Variants in DNHD1 observed in about 807,000 individuals in gnomAD.
DNHD1 encodes the protein dynein heavy chain domain-containing protein 1.
Under a neutral mutation model 458.1 loss-of-function variants are expected in DNHD1, and 383 were observed. The ratio of observed to expected loss-of-function variants is 0.84; its 90% CI spans 0.77 to 0.91. The LOEUF is 0.91. DNHD1 is among the 40% of genes least tolerant of loss of function. The pLI is 0.00. For synonymous variants in DNHD1, 2,203 were observed against 2,376.9 expected, an observed-to-expected ratio of 0.93 and a Z score of 2.13; for missense variants, 5,336 against 5,866.1, an observed-to-expected ratio of 0.91 and a Z score of 2.95.
At chr11:6,550,786 T>TAC (rs1367674425) in intron 24 of DNHD1, among the ~76,000 whole-genome samples, 1 of 152,114 alleles carries the variant, frequency 6.6e-6, no homozygotes, top group Admixed American at 6.5e-5. Context: ...AAAGGACATC[T>TAC]CATAATTGAA....
At chr11:6,532,653 G>T (rs536131627) in intron 12 of DNHD1, among the ~76,000 whole-genome samples, 1 of 152,242 alleles carries the variant, frequency 6.6e-6, no homozygotes, top group Non-Finnish European at 1.5e-5. Context: ...AAGGGGCCTT[G>T]CCCAGCCTTC....
intron 7 of DNHD1, among the ~76,000 whole-genome samples, chr11:6,513,771 A>C (rs1852395098): frequency 6.6e-6 from 1 of 152,126 alleles, no homozygotes; most frequent in African/African-American, 2.4e-5. Flanking sequence ...TATGTTTTAT[A>C]CTGCCAAACA....
At chr11:6,517,070 C>T (rs2723635) in intron 7 of DNHD1, among the ~76,000 whole-genome samples, 1 of 152,140 alleles carries the variant, frequency 6.6e-6, no homozygotes, top group Non-Finnish European at 1.5e-5. Context: ...CAGATTCAGA[C>T]TCTGGCAAGG....
At position 6,571,488 on chromosome 11, in the gene DNHD1, G is replaced by GTCTCTAATTACACCCTCTAA; in HGVS notation, c.13911+66_13911+67insCTCTAATTACACCCTCTAAT. The GTCTCTAATTACACCCTCTAA allele has an allele frequency of 6.7e-7, 1 of 1,482,246 alleles. No individual in the cohort carries two copies. Among genetic ancestry groups the GTCTCTAATTACACCCTCTAA allele is most frequent in the Non-Finnish European group, 9.0e-7 (1 of 1,110,122 alleles). 91.8% of individuals were successfully genotyped at this position (1,482,246 alleles called of 1,614,324 possible). A position where few individuals can be genotyped will look rare whatever the true frequency, so the allele number is the denominator to read the frequency against. The stretch of plus-strand genomic sequence containing the variant: ...TCGAAGTCTCTAATTACACCTCGCA[G>GTCTCTAATTACACCCTCTAA]TTACCCCTTCTTGGTGATCTTGCCC... On this transcript the variant is annotated intron_variant, in intron 42 of 42. Coordinates refer to ENST00000254579, the MANE Select transcript of DNHD1 (RefSeq NM_144666.3). This position sits in a 1 kb window ranked among gnomAD's most constrained non-coding sequence, Gnocchi z 5.0.
chr11:6,567,922 C>G, intron 36 of DNHD1, 62 bp downstream of exon 36: 3 of 1,496,888 alleles, frequency 2.0e-6, no homozygotes, highest in South Asian at 1.4e-5. Context: ...GCATGGGGGA[C>G]CCCCTCCAAG....
In DNHD1 at chr11:6,556,675, T is replaced by A; in HGVS notation, c.7388-8T>A. ...CATGTCCTCATTATTATTCCTCATG[T>A]CCCATAGACCCAGAGAAGAGCTGCC... On this transcript the variant is annotated splice_region_variant and splice_polypyrimidine_tract_variant and intron_variant, in intron 24 of 42. Coordinates refer to ENST00000254579, the MANE Select transcript of DNHD1 (RefSeq NM_144666.3). 2.6e-6 allele frequency: 4 copies of A among 1,531,688 alleles called. No homozygotes were observed. The highest frequency in any genetic ancestry group is 3.5e-6 in the Non-Finnish European group (4 of 1,133,288). 94.9% of individuals were successfully genotyped at this position (1,531,688 alleles called of 1,614,324 possible). A position where few individuals can be genotyped will look rare whatever the true frequency, so the allele number is the denominator to read the frequency against.
chr11:6,567,679 C>A lies in DNHD1; in HGVS notation c.12170C>A (p.Ala4057Glu). 6.2e-7 allele frequency: 1 copy of A among 1,613,904 alleles called. No individual in the cohort carries two copies. The highest frequency in any genetic ancestry group is 8.5e-7 in the Non-Finnish European group (1 of 1,179,888). Residue 4057 changes from alanine (A) to glutamate (E), a missense_variant, in exon 36 of 43, where the codon GCA becomes GAA. Ala to Glu is a moderately radical substitution (Grantham distance 107). This residue lies in a region of DNHD1 where 695 missense variants were observed against 804.2 expected (regional missense o/e 0.86). Coordinates refer to ENST00000254579, the MANE Select transcript of DNHD1 (RefSeq NM_144666.3). ...CCTGAGTGCCTGGCAGGTGCCCTGG[C>A]AGACTTCACCACTAGCCTCCTGGGT... Reference protein sequence around the residue: ...LRPECLAGALADFTTSLLGRP... With the variant: ...LRPECLAGALEDFTTSLLGRP...
Position 6,563,390 on chromosome 11 carries a change from G to A in DNHD1, c.9678G>A (p.Lys3226=). Residue 3226 remains lysine (K), a synonymous_variant, in exon 30 of 43, where the codon AAG becomes AAA. Coordinates refer to ENST00000254579, the MANE Select transcript of DNHD1 (RefSeq NM_144666.3). ...QREAFLEQMS[K]AFLEPLSQLQ... is the part of the protein sequence containing the mutation. ...TATCTCTCCTCATTTAGATGAGCAA[G>A]GCATTTCTGGAGCCTCTGAGCCAGC... The A allele has an allele frequency of 6.4e-7, 1 of 1,551,714 alleles. No homozygotes were observed. Among genetic ancestry groups the A allele is most frequent in the Non-Finnish European group, 8.7e-7 (1 of 1,146,988 alleles).
At chr11:6,535,652 G>T (rs903514622) in intron 14 of DNHD1, among the ~76,000 whole-genome samples, 8 of 152,196 alleles carry the variant, frequency 5.3e-5, no homozygotes, top group African/African-American at 1.9e-4. Flanking sequence ...TTGAAGTAAA[G>T]GCATTTATTA....
At chr11:6,568,306 C>T in intron 37 of DNHD1, 64 bp downstream of exon 37, 1 of 1,529,094 alleles carries the variant, frequency 6.5e-7, no homozygotes, top group Non-Finnish European at 8.8e-7. Flanking sequence ...AGCTTGAAAT[C>T]TCAGGCCTCA....
Position 6,557,751 on chromosome 11 carries a change from TG to T in DNHD1, c.8458del (p.Val2820SerfsTer6). The T allele has an allele frequency of 1.9e-6, 3 of 1,551,702 alleles. No homozygotes were observed. Among genetic ancestry groups the T allele is most frequent in the Non-Finnish European group, 2.6e-6 (3 of 1,146,986 alleles). ...LLHPQEKPSD[L>X]VFSQELILGP... ...CATCCCCAGGAAAAGCCCTCAGACCTGGTCTTCAGTCAGGAGCTGATACTGG... is the reference window on the plus strand; with the variant it reads ...CATCCCCAGGAAAAGCCCTCAGACCTGTCTTCAGTCAGGAGCTGATACTGG... On this transcript the variant is annotated frameshift_variant, in exon 25 of 43. Coordinates refer to ENST00000254579, the MANE Select transcript of DNHD1 (RefSeq NM_144666.3). LOFTEE classifies it high-confidence loss of function.
rs1308760718 is a variant in DNHD1 at position 6,571,876 on chromosome 11, G to A, written c.14152G>A (p.Ala4718Thr). 28 of 1,614,020 alleles carry A rather than the reference G, an allele frequency of 1.7e-5. No individual in the cohort carries two copies. Among genetic ancestry groups the A allele is most frequent in the Non-Finnish European group, 2.4e-5 (28 of 1,179,904 alleles). ...PVYMGGPLGT[A>T]KLQSRNIVMH... is the part of the protein sequence containing the mutation. Reference sequence around the variant, plus strand: ...GTACATGGGAGGGCCCCTTGGCACCGCTAAGCTGCAGAGCAGGAACATCGT... The same window carrying A: ...GTACATGGGAGGGCCCCTTGGCACCACTAAGCTGCAGAGCAGGAACATCGT... The change falls in exon 43 of 43, where the codon GCT becomes ACT. Residue 4718 changes from alanine (A) to threonine (T), a missense_variant. By Grantham distance (58) the Ala-to-Thr change is moderately conservative. Coordinates refer to ENST00000254579, the MANE Select transcript of DNHD1 (RefSeq NM_144666.3). This position sits in a 1 kb window ranked among gnomAD's most constrained non-coding sequence, Gnocchi z 5.0.
At position 6,563,471 on chromosome 11, in the gene DNHD1, G is replaced by A. The variant is rs945130503; in HGVS notation, c.9759G>A (p.Val3253=). The A allele has an allele frequency of 2.6e-6, 4 of 1,551,592 alleles. No homozygotes were observed. In the East Asian group the frequency reaches 9.8e-5, roughly 38 times the overall value. ...IRSYRAPPES[V]VRVTDAMCDL... Reference sequence around the variant, plus strand: ...GCTATCGAGCACCACCAGAATCTGTGGTCCGGGTAACTGATGCAATGTGTG... The same window carrying A: ...GCTATCGAGCACCACCAGAATCTGTAGTCCGGGTAACTGATGCAATGTGTG... Residue 3253 remains valine (V), a synonymous_variant, in exon 30 of 43, where the codon GTG becomes GTA. Coordinates refer to ENST00000254579, the MANE Select transcript of DNHD1 (RefSeq NM_144666.3).
chr11:6,539,967 A>C lies in DNHD1; in HGVS notation c.3512A>C (p.Asn1171Thr). 1 of 1,551,702 alleles carries C rather than the reference A, an allele frequency of 6.4e-7. No individual in the cohort carries two copies. Among genetic ancestry groups the C allele is most frequent in the Non-Finnish European group, 8.7e-7 (1 of 1,146,980 alleles). ...YWEARQLRLLNFILHVPYEPP... is the reference protein window; with the variant it reads ...YWEARQLRLLTFILHVPYEPP... ...GAAGCGCGCCAGCTGCGCCTGCTCA[A>C]CTTCATCCTGCATGTACCCTACGAG... is the stretch of plus-strand genomic sequence containing the variant. The change falls in exon 18 of 43, where the codon AAC (asparagine) becomes ACC (threonine). Residue 1171 changes from asparagine to threonine, a missense_variant. Asn to Thr is a moderately conservative substitution (Grantham distance 65, BLOSUM62 0). This residue lies in a region of DNHD1 where 3,932 missense variants were observed against 4,365.6 expected (regional missense o/e 0.90). Transcript: ENST00000254579.
rs377748114 is a variant in DNHD1, at chr11:6,565,768, G to C, written c.10830G>C (p.Glu3610Asp). Residue 3610 changes from glutamate (E) to aspartate (D), a missense_variant, in exon 33 of 43, where the codon GAG (glutamate) becomes GAC (aspartate). This residue lies in a region of DNHD1 where 695 missense variants were observed against 804.2 expected (regional missense o/e 0.86). Coordinates refer to ENST00000254579, the MANE Select transcript of DNHD1 (RefSeq NM_144666.3). ...AAGAGGAAGATGATGAGAGTGAAGA[G>C]AGTAATGAGGCTGAGGACCAGACAA... ...DMKEEDDESE[E>D]SNEAEDQTKE... 4.7e-5 allele frequency: 73 copies of C among 1,551,610 alleles called. No homozygotes were observed. The African/African-American group carries it at 8.9e-4, about 19-fold the overall frequency.
chr11:6,512,501 T>C (rs10839570), intron 7 of DNHD1, among the ~76,000 whole-genome samples: 44,186 of 151,846 alleles, frequency 0.29, 6,793 homozygotes, highest in Admixed American at 0.37. Context: ...GGATTACAGG[T>C]GTGAACCACC....
In DNHD1 at chr11:6,570,839, C is replaced by T; in HGVS notation, c.13327C>T (p.Leu4443=). The part of the protein sequence containing the change: ...QLAERRLRQR[L]VQVNRRLESL... ...TGCGGAAAGGCGACTGCGGCAACGC[C>T]TAGTGCAAGTCAACCGGAGGCTGGA... The change falls in exon 42 of 43, where the codon CTA becomes TTA. Residue 4443 remains leucine (L), a synonymous_variant. Coordinates refer to ENST00000254579, the MANE Select transcript of DNHD1 (RefSeq NM_144666.3). 1.2e-6 allele frequency: 2 copies of T among 1,614,058 alleles called. No homozygotes were observed. Among genetic ancestry groups the T allele is most frequent in the Non-Finnish European group, 1.7e-6 (2 of 1,179,904 alleles).
In DNHD1 at chr11:6,546,253, C is replaced by T. The variant is rs1483766543; in HGVS notation, c.5314C>T (p.Arg1772Ter). The T allele has an allele frequency of 1.5e-5, 24 of 1,552,248 alleles. No homozygotes were observed. The highest frequency in any genetic ancestry group is 1.7e-4 in the Middle Eastern group (1 of 5,996). Reference protein sequence around the residue: ...LYAPLYQEASRNTSTIDPTQP... With the variant: ...LYAPLYQEAS ...TGCCCCACTGTACCAGGAGGCTTCC[C>T]GAAACACAAGCACCATAGACCCCAC... The change falls in exon 21 of 43, where the codon CGA becomes TGA. Residue 1772 changes from arginine to a stop codon, truncating the protein, a stop_gained. Transcript: ENST00000254579. LOFTEE classifies it high-confidence loss of function.
intron 4 of DNHD1, among the ~76,000 whole-genome samples, chr11:6,506,684 C>T (rs997150293): frequency 3.3e-5 from 5 of 152,160 alleles, no homozygotes; most frequent in Admixed American, 6.5e-5. Context: ...TCAGCTGTCA[C>T]TCCCCCACCC....
Sources: allele counts gnomAD v4.1 joint callset (sites outside exome capture counted in the v4.1 genomes callset), GRCh38; gene constraint gnomAD v4.1.1; regional missense constraint gnomAD v4.1.1; non-coding constraint Gnocchi (gnomAD v3.1); transcripts MANE v1.5; gene names NCBI Gene and HGNC (gene_info 2026-07-23, HGNC 2026-07-21).